RASEF: variants seen among roughly 807,000 people sequenced by gnomAD.
RASEF encodes the protein ras and EF-hand domain-containing protein.
RASEF carries 68 observed loss-of-function variants against 90.1 expected under a neutral mutation model. The ratio of observed to expected loss-of-function variants is 0.75; its 90% CI spans 0.62 to 0.92. RASEF has a LOEUF of 0.92. Among genes scored for constraint, RASEF ranks in the 40% least tolerant of loss-of-function variants. The pLI, the probability that RASEF is intolerant of heterozygous loss-of-function variation, is 0.00. For missense variants in RASEF, 949 were observed against 937.2 expected (o/e 1.01, Z -0.16); for synonymous variants, 331 against 345.2 (o/e 0.96, Z 0.46).
At chr9:83,183,550 G>A in the RASEF span, among the ~76,000 whole-genome samples, 1 of 151,924 alleles carries the variant, frequency 6.6e-6, no homozygotes, top group African/African-American at 2.4e-5. Flanking sequence ...TAATCAGCAG[G>A]GTTTTTCTTC....
chr9:83,181,920 C>G, the RASEF span, among the ~76,000 whole-genome samples: 1 of 152,208 alleles, frequency 6.6e-6, no homozygotes, highest in Non-Finnish European at 1.5e-5. Context: ...GTAATATCCC[C>G]TGCAGACTGC....
At chr9:83,016,927 A>C (rs1027922302) in intron 3 of RASEF, among the ~76,000 whole-genome samples, 1 of 152,176 alleles carries the variant, frequency 6.6e-6, no homozygotes, top group Non-Finnish European at 1.5e-5. Flanking sequence ...TAATCCATAT[A>C]AATTAAATAA....
At chr9:83,176,916 G>A in the RASEF span, among the ~76,000 whole-genome samples, 4 of 151,956 alleles carry the variant, frequency 2.6e-5, no homozygotes, top group African/African-American at 7.2e-5. Context: ...AAGCAAGTAC[G>A]TATTCATAGT....
At chr9:83,048,906 A>G (rs1829983424) in intron 1 of RASEF, 1 of 302,816 alleles carries the variant, frequency 3.3e-6, no homozygotes, top group African/African-American at 2.3e-5. Flanking sequence ...AGGAAGGCGG[A>G]TCACCTGAGT....
chr9:83,010,222 G>A (rs1587492259), intron 5 of RASEF, among the ~76,000 whole-genome samples: 1 of 152,158 alleles, frequency 6.6e-6, no homozygotes, highest in East Asian at 1.9e-4. Flanking sequence ...ATAAACCAGT[G>A]TGATTTGAAA....
At chr9:83,075,056 A>G in the RASEF span, among the ~76,000 whole-genome samples, 1 of 152,218 alleles carries the variant, frequency 6.6e-6, no homozygotes, top group African/African-American at 2.4e-5. Flanking sequence ...TGTCTTCTTA[A>G]TATTACAGAA....
At position 82,982,048 on chromosome 9, in the gene RASEF, C is replaced by T. The variant is rs1212496765; in HGVS notation, c.*629G>A. On this transcript the variant is annotated 3_prime_UTR_variant, in exon 17 of 17. Transcript: ENST00000376447. ...ATTTCAGAAGTGAGAAAAATCAATA[C>T]TCCAATATTAAAAAGCAGGAATAAC... The T allele has an allele frequency of 6.6e-6, 1 of 152,144 alleles. No homozygotes were observed. Among genetic ancestry groups the T allele is most frequent in the Non-Finnish European group, 1.5e-5 (1 of 68,034 alleles). 9.4% of individuals were successfully genotyped at this position (152,144 alleles called of 1,614,324 possible). A position where few individuals can be genotyped will look rare whatever the true frequency, so the allele number is the denominator to read the frequency against.
At position 82,979,628 on chromosome 9, in the gene RASEF, A is replaced by C. The variant is rs1416232755; in HGVS notation, c.*3049T>G. 6.6e-6 allele frequency: 1 copy of C among 152,242 alleles called. No individual in the cohort carries two copies. Among genetic ancestry groups the C allele is most frequent in the Admixed American group, 6.5e-5 (1 of 15,280 alleles). 9.4% of individuals were successfully genotyped at this position (152,242 alleles called of 1,614,324 possible). ...AGCTTTATTGAATTTACAACGTAGAAAATATTTGTAGTTCCTTAGACATTT... is the reference window on the plus strand; with the variant it reads ...AGCTTTATTGAATTTACAACGTAGACAATATTTGTAGTTCCTTAGACATTT... On this transcript the variant is annotated 3_prime_UTR_variant, in exon 17 of 17. Coordinates refer to ENST00000376447, the MANE Select transcript of RASEF (RefSeq NM_152573.4).
the RASEF span, among the ~76,000 whole-genome samples, chr9:83,172,096 G>A: frequency 6.6e-6 from 1 of 151,450 alleles, no homozygotes; most frequent in African/African-American, 2.4e-5. Context: ...CTATAGGTAT[G>A]GTATGTTGTG....
chr9:82,991,117 C>G (rs530244277), intron 15 of RASEF, among the ~76,000 whole-genome samples: 20 of 152,238 alleles, frequency 1.3e-4, no homozygotes, highest in African/African-American at 4.8e-4. Context: ...CTCACTCATC[C>G]CCCACTCACT....
chr9:83,033,707 G>A (rs552826767), intron 1 of RASEF, among the ~76,000 whole-genome samples: 1 of 152,342 alleles, frequency 6.6e-6, no homozygotes, highest in East Asian at 1.9e-4. Context: ...TGAAATAAAT[G>A]TGCAGAGATA....
At chr9:83,203,846 G>T in the RASEF span, among the ~76,000 whole-genome samples, 1 of 152,194 alleles carries the variant, frequency 6.6e-6, no homozygotes, top group Non-Finnish European at 1.5e-5. Context: ...CCTATGGCTG[G>T]AGCAAGAGGA....
At chr9:83,117,314 G>A in the RASEF span, among the ~76,000 whole-genome samples, 1 of 152,160 alleles carries the variant, frequency 6.6e-6, no homozygotes, top group Non-Finnish European at 1.5e-5. Context: ...GTTTGTCCAG[G>A]TGTTGTTTAT....
chr9:82,987,020 G>C (rs6559692), intron 16 of RASEF, among the ~76,000 whole-genome samples: 4,367 of 152,228 alleles, frequency 0.029, 108 homozygotes, highest in South Asian at 0.077. Flanking sequence ...TAAATTGTTT[G>C]AGACAGTGCA....
the RASEF span, among the ~76,000 whole-genome samples, chr9:83,164,317 G>A: frequency 1.5e-5 from 2 of 133,354 alleles, no homozygotes; most frequent in African/African-American, 5.4e-5. Context: ...TAGCGACAAC[G>A]TATTCAAATA....
intron 16 of RASEF, among the ~76,000 whole-genome samples, chr9:82,988,810 C>A (rs985810923): frequency 6.6e-6 from 1 of 152,144 alleles, no homozygotes; most frequent in Non-Finnish European, 1.5e-5. Flanking sequence ...GAACCATGAG[C>A]CAATTGAACC....
the RASEF span, among the ~76,000 whole-genome samples, chr9:83,137,248 A>G: frequency 1.2e-4 from 19 of 152,266 alleles, no homozygotes; most frequent in Admixed American, 3.3e-4. Context: ...ATTAATTAGT[A>G]TTCCTACTTT....
the RASEF span, among the ~76,000 whole-genome samples, chr9:83,125,439 A>C: frequency 6.6e-6 from 1 of 152,210 alleles, no homozygotes; most frequent in Non-Finnish European, 1.5e-5. Context: ...AGCCATTCGG[A>C]ATATGGCAAT....
chr9:83,016,189 G>C (rs1829339793), intron 3 of RASEF, among the ~76,000 whole-genome samples: 1 of 152,206 alleles, frequency 6.6e-6, no homozygotes, highest in Non-Finnish European at 1.5e-5. Context: ...AGAGACCATA[G>C]CACATCAATC....
Sources: allele counts gnomAD v4.1 joint callset (sites outside exome capture counted in the v4.1 genomes callset), GRCh38; gene constraint gnomAD v4.1.1; transcripts MANE v1.5; gene names NCBI Gene and HGNC (gene_info 2026-07-23, HGNC 2026-07-21).